The following LRRC4C variants were observed in gnomAD, a reference collection of about 807,000 sequenced individuals.
LRRC4C encodes leucine-rich repeat-containing protein 4C.
A neutral mutation model predicts 33.6 loss-of-function variants in LRRC4C; 5 were observed. That is an observed-to-expected ratio of 0.15 (90% CI 0.08 to 0.31). LRRC4C has a LOEUF of 0.31. Ranked by LOEUF, LRRC4C falls within the 10% of genes least tolerant of loss-of-function variation. The probability of loss-of-function intolerance (pLI) is 1.00; values close to 1 mark genes in which losing one functional copy is unlikely to be tolerated. For missense variants in LRRC4C, 560 were observed against 796.7 expected, an observed-to-expected ratio of 0.70 and a Z score of 3.58; for synonymous variants, 329 against 302.0, an observed-to-expected ratio of 1.09 and a Z score of -0.93.
At chr11:40,986,038 A>G (rs992259761) in intron 1 of LRRC4C, among the ~76,000 whole-genome samples, 1 of 152,182 alleles carries the variant, frequency 6.6e-6, no homozygotes, top group African/African-American at 2.4e-5. Flanking sequence ...AAAACAAATT[A>G]GCAAAATGAG....
Position 40,745,578 on chromosome 11 carries a change from T to C in LRRC4C, c.-406-97300A>G, listed in dbSNP as rs144827683. ...ATATGGCAGATGATAATTTGAACTA[T>C]ATAGAAGGGAATAATTCAGCCTATA... On this transcript the variant is annotated intron_variant, in intron 2 of 6. Transcript: ENST00000528697. 2.6e-5 allele frequency among the ~76,000 whole-genome samples: 4 copies of C among 152,296 alleles called. No homozygotes were observed. In the East Asian group the frequency reaches 5.8e-4, roughly 22 times the overall value.
intron 1 of LRRC4C, among the ~76,000 whole-genome samples, chr11:41,219,053 G>C (rs1005565536): frequency 1.3e-5 from 2 of 151,944 alleles, no homozygotes; most frequent in Admixed American, 1.3e-4. Flanking sequence ...TTACAGGCTT[G>C]AGCCACCGCG....
chr11:40,532,677 A>G (rs975503460), intron 3 of LRRC4C, among the ~76,000 whole-genome samples: 1 of 147,308 alleles, frequency 6.8e-6, no homozygotes, highest in African/African-American at 2.7e-5. Flanking sequence ...GTGTTAGTAG[A>G]TTAAGAAAAA....
chr11:40,685,391 A>T (rs953499410), intron 2 of LRRC4C, among the ~76,000 whole-genome samples: 1 of 152,078 alleles, frequency 6.6e-6, no homozygotes, highest in Non-Finnish European at 1.5e-5. Context: ...GTGAATGGAT[A>T]AGTAAAATAT....
chr11:40,723,508 G>A (rs1054825887), intron 2 of LRRC4C, among the ~76,000 whole-genome samples: 7 of 152,150 alleles, frequency 4.6e-5, no homozygotes, highest in Middle Eastern at 3.4e-3. Flanking sequence ...CCTGACAAAC[G>A]AAGCTTGATA....
At chr11:40,792,201 T>G (rs992415636) in intron 2 of LRRC4C, among the ~76,000 whole-genome samples, 2 of 152,114 alleles carry the variant, frequency 1.3e-5, no homozygotes, top group Non-Finnish European at 2.9e-5. Context: ...CATGTTTCAT[T>G]ATTTTTGTCC....
intron 2 of LRRC4C, among the ~76,000 whole-genome samples, chr11:40,730,425 A>T (rs2136775948): frequency 6.6e-6 from 1 of 152,346 alleles, no homozygotes; most frequent in South Asian, 2.1e-4. Flanking sequence ...TAAGATAGAA[A>T]TGGGGAATAT....
chr11:40,495,107 A>G (rs1378867378), intron 3 of LRRC4C, among the ~76,000 whole-genome samples: 1 of 152,172 alleles, frequency 6.6e-6, no homozygotes, highest in Non-Finnish European at 1.5e-5. Context: ...TCTGTTTGCT[A>G]TTCCCAACAG....
chr11:41,121,024 A>G (rs1942399153), intron 1 of LRRC4C, among the ~76,000 whole-genome samples: 1 of 152,158 alleles, frequency 6.6e-6, no homozygotes, highest in Non-Finnish European at 1.5e-5. Flanking sequence ...CTATGAGTCA[A>G]TTAAAGCTTT....
intron 3 of LRRC4C, among the ~76,000 whole-genome samples, chr11:40,634,846 C>T (rs753946568): frequency 3.3e-5 from 5 of 151,824 alleles, no homozygotes; most frequent in Admixed American, 1.3e-4. Flanking sequence ...GCTATGATAG[C>T]GCCATTGTTC....
chr11:41,315,206 G>A (rs906399901), intron 1 of LRRC4C, among the ~76,000 whole-genome samples: 10 of 152,170 alleles, frequency 6.6e-5, no homozygotes, highest in African/African-American at 2.4e-4. Flanking sequence ...TGTCATCTGT[G>A]TTACAGGCAT....
At chr11:40,183,383 G>A (rs1861166546) in intron 5 of LRRC4C, among the ~76,000 whole-genome samples, 1 of 152,162 alleles carries the variant, frequency 6.6e-6, no homozygotes, top group Non-Finnish European at 1.5e-5. Flanking sequence ...TCAAACGTTT[G>A]TTGTTGTTTT....
At chr11:41,145,574 GC>G (rs1943694618) in intron 1 of LRRC4C, among the ~76,000 whole-genome samples, 1 of 152,126 alleles carries the variant, frequency 6.6e-6, no homozygotes, top group South Asian at 2.1e-4. Flanking sequence ...AGGCTGTAGA[GC>G]CCACAAAGCC....
At chr11:41,172,369 T>C (rs1238165998) in intron 1 of LRRC4C, among the ~76,000 whole-genome samples, 3 of 152,204 alleles carry the variant, frequency 2.0e-5, no homozygotes, top group Non-Finnish European at 4.4e-5. Context: ...CAAGGCCATA[T>C]GCTTTTGAAG....
intron 1 of LRRC4C, among the ~76,000 whole-genome samples, chr11:41,180,109 G>A (rs1472633537): frequency 3.3e-5 from 5 of 152,146 alleles, no homozygotes; most frequent in Non-Finnish European, 5.9e-5. Context: ...CAAAGGGAGA[G>A]TGTGAAAAAT....
chr11:40,858,059 T>C (rs58822998), intron 2 of LRRC4C, among the ~76,000 whole-genome samples: 5 of 131,366 alleles, frequency 3.8e-5, no homozygotes, highest in African/African-American at 1.2e-4. Flanking sequence ...AAGGGAAAAC[T>C]CTAAAGCTGC....
At chr11:41,183,860 T>G (rs1945565576) in intron 1 of LRRC4C, among the ~76,000 whole-genome samples, 1 of 152,202 alleles carries the variant, frequency 6.6e-6, no homozygotes, top group Non-Finnish European at 1.5e-5. Context: ...GGCATTTCCA[T>G]ACATCCTCTG....
intron 1 of LRRC4C, among the ~76,000 whole-genome samples, chr11:41,291,690 G>A (rs561226777): frequency 2.0e-5 from 3 of 152,148 alleles, no homozygotes; most frequent in Non-Finnish European, 4.4e-5. Flanking sequence ...ATGGCAAAGA[G>A]CATTTCTAGA....
chr11:40,738,891 T>A (rs1329797789), intron 2 of LRRC4C, among the ~76,000 whole-genome samples: 4 of 152,136 alleles, frequency 2.6e-5, no homozygotes, highest in African/African-American at 9.7e-5. Flanking sequence ...TTTAATGAGA[T>A]GCAATTGACA....
Sources: gnomAD v4.1 joint callset for allele counts (sites outside exome capture counted in the v4.1 genomes callset) on GRCh38, gnomAD v4.1.1 for gene constraint, MANE v1.5 for transcripts, NCBI Gene and HGNC (gene_info 2026-07-23, HGNC 2026-07-21) for gene names.